Variants in ESD observed in about 807,000 individuals in gnomAD.
ESD encodes the protein esterase D.
In ESD, 34 loss-of-function variants were observed where a neutral mutation model predicts 38.1. The ratio of observed to expected loss-of-function variants is 0.89; its 90% CI spans 0.68 to 1.19. ESD has a LOEUF of 1.19. Among genes scored for constraint, ESD ranks in the 50% most tolerant of loss-of-function variants. The pLI, the probability that ESD is intolerant of heterozygous loss-of-function variation, is 0.00. For missense variants in ESD, 334 were observed against 327.2 expected, an observed-to-expected ratio of 1.02 and a Z score of -0.16; for synonymous variants, 97 against 107.0, an observed-to-expected ratio of 0.91 and a Z score of 0.58.
rs530226574 is a variant in ESD, at chr13:46,781,935, A to G, written c.382-320T>C. Reference sequence around the variant, plus strand: ...ATTCTAAGGAAAAGTCCTTAGGGAGAAAACATTATGCACAAATATAATCAA... The same window carrying G: ...ATTCTAAGGAAAAGTCCTTAGGGAGGAAACATTATGCACAAATATAATCAA... On this transcript the variant is annotated intron_variant, in intron 6 of 9. Coordinates refer to ENST00000378720, the MANE Select transcript of ESD (RefSeq NM_001984.2). Among the ~76,000 whole-genome samples, 43 of 151,934 alleles carry G rather than the reference A, an allele frequency of 2.8e-4. No individual in the cohort carries two copies. In the South Asian group the frequency reaches 8.9e-3, roughly 31 times the overall value.
chr13:46,782,175 A>G (rs1875026429), intron 6 of ESD, among the ~76,000 whole-genome samples: 2 of 151,830 alleles, frequency 1.3e-5, no homozygotes, highest in African/African-American at 4.8e-5. Flanking sequence ...GAACATACCA[A>G]AACATAAGTG....
intron 5 of ESD, among the ~76,000 whole-genome samples, chr13:46,783,618 G>T (rs778045338): frequency 6.6e-5 from 10 of 151,624 alleles, no homozygotes; most frequent in Non-Finnish European, 1.0e-4. Context: ...TTTCTAACCA[G>T]ATATGCATTG....
intron 6 of ESD, among the ~76,000 whole-genome samples, chr13:46,782,077 C>A (rs1875022006): frequency 6.6e-6 from 1 of 151,392 alleles, no homozygotes; most frequent in Non-Finnish European, 1.5e-5. Flanking sequence ...CAGAATAACA[C>A]TAGAAAATAT....
chr13:46,785,318 G>A (rs1875154435), intron 4 of ESD, among the ~76,000 whole-genome samples: 1 of 151,894 alleles, frequency 6.6e-6, no homozygotes, highest in Admixed American at 6.6e-5. Flanking sequence ...GAGAGATTTG[G>A]TTTGTTTATA....
chr13:46,792,031 G>A (rs1461157079), intron 2 of ESD, among the ~76,000 whole-genome samples: 1 of 151,892 alleles, frequency 6.6e-6, no homozygotes, highest in Non-Finnish European at 1.5e-5. Flanking sequence ...AGTAAAACAA[G>A]CCTGTTAACT....
chr13:46,776,366 C>T (rs1330066560), intron 9 of ESD: 3 of 152,122 alleles, frequency 2.0e-5, no homozygotes, highest in Non-Finnish European at 4.4e-5. Flanking sequence ...AAGCTATGCA[C>T]AATTTCTCCT....
chr13:46,790,197 T>C (rs1875346874), intron 3 of ESD, among the ~76,000 whole-genome samples: 1 of 152,036 alleles, frequency 6.6e-6, no homozygotes. Flanking sequence ...CAATATCTTT[T>C]ATACTTTGAT....
intron 4 of ESD, 48 bp from the exon 5 acceptor site, chr13:46,784,398 T>C: frequency 7.5e-7 from 1 of 1,339,280 alleles, no homozygotes; most frequent in Non-Finnish European, 1.1e-6. Flanking sequence ...CATGAAGATG[T>C]GCACCATTAA....
chr13:46,794,458 T>C, intron 1 of ESD, among the ~76,000 whole-genome samples: 1 of 152,156 alleles, frequency 6.6e-6, no homozygotes, highest in East Asian at 1.9e-4. Flanking sequence ...CTCAGCCTCC[T>C]GAGCAGCTAG....
In ESD at chr13:46,794,645, A is replaced by C. The variant is rs9534485; in HGVS notation, c.-55-1201T>G. Among the ~76,000 whole-genome samples, 960 of 151,904 alleles carry C rather than the reference A, an allele frequency of 6.3e-3. 8 individuals are homozygous for C. The highest frequency in any genetic ancestry group is 0.052 in the South Asian group (248 of 4,812). ...TCTCTACATGTGTTTTTTTGTTCCC[A>C]TTCTCTCAGATTCCTTGGATTTTGA... is the stretch of plus-strand genomic sequence containing the variant. On this transcript the variant is annotated intron_variant, in intron 1 of 9. Coordinates refer to ENST00000378720, the MANE Select transcript of ESD (RefSeq NM_001984.2).
chr13:46,773,193 A>G (rs773670697), intron 9 of ESD, among the ~76,000 whole-genome samples: 1 of 152,168 alleles, frequency 6.6e-6, no homozygotes, highest in Non-Finnish European at 1.5e-5. Context: ...ATTGAATAGT[A>G]CTGTAGTGAA....
At chr13:46,784,499 T>C (rs1178472655) in intron 4 of ESD, 149 bp from the exon 5 acceptor site, 2 of 578,730 alleles carry the variant, frequency 3.5e-6, no homozygotes, top group African/African-American at 3.8e-5. Flanking sequence ...CGGGTGATGG[T>C]ATCTTTCATA....
intron 7 of ESD, among the ~76,000 whole-genome samples, chr13:46,780,345 A>C (rs1001638335): frequency 2.6e-5 from 4 of 151,918 alleles, no homozygotes; most frequent in Middle Eastern, 3.4e-3. Context: ...CTTTTTTAGC[A>C]CTGAAAATTA....
At chr13:46,789,038 G>T (rs1263697223) in intron 3 of ESD, among the ~76,000 whole-genome samples, 1 of 152,134 alleles carries the variant, frequency 6.6e-6, no homozygotes, top group South Asian at 2.1e-4. Context: ...TGTGGCTAGT[G>T]GGACTGAAGT....
intron 9 of ESD, among the ~76,000 whole-genome samples, chr13:46,774,019 T>G (rs1378280397): frequency 2.6e-5 from 4 of 152,158 alleles, no homozygotes; most frequent in African/African-American, 9.7e-5. Flanking sequence ...ATGGATCTGA[T>G]AGAAAATGGG....
Position 46,781,543 on chromosome 13 carries a change from C to T in ESD, c.454G>A (p.Gly152Ser). Reference sequence around the variant, plus strand: ...AAAGCACAGATCAGAGCTCCATGACCTCCCATGGAGTGGCCAAAAATAGAC... The same window carrying T: ...AAAGCACAGATCAGAGCTCCATGACTTCCCATGGAGTGGCCAAAAATAGAC... ...RMSIFGHSMG[G>S]HGALICALKN... The change falls in exon 7 of 10, where the codon GGT becomes AGT. Residue 152 changes from glycine (G) to serine (S), a missense_variant. Gly to Ser is a moderately conservative substitution (Grantham distance 56). Coordinates refer to ENST00000378720, the MANE Select transcript of ESD (RefSeq NM_001984.2). 3 of 1,607,022 alleles carry T rather than the reference C, an allele frequency of 1.9e-6. No homozygotes were observed. Among genetic ancestry groups the T allele is most frequent in the South Asian group, 1.1e-5 (1 of 90,662 alleles).
At chr13:46,781,792 T>C (rs1875012083) in intron 6 of ESD, among the ~76,000 whole-genome samples, 177 bp from the exon 7 acceptor site, 1 of 151,898 alleles carries the variant, frequency 6.6e-6, no homozygotes, top group Admixed American at 6.6e-5. Context: ...TGATTATTAA[T>C]ATATCCCTGG....
At chr13:46,777,363 T>G in intron 9 of ESD, 93 bp downstream of exon 9, 1 of 1,036,462 alleles carries the variant, frequency 9.6e-7, no homozygotes, top group Non-Finnish European at 1.3e-6. Context: ...AAGTAGCATT[T>G]TATATTCTAA....
At chr13:46,791,441 C>G (rs372986041) in intron 2 of ESD, 21 bp from the exon 3 acceptor site, 87 of 1,563,706 alleles carry the variant, frequency 5.6e-5, no homozygotes, top group Non-Finnish European at 7.6e-5. Context: ...AGAGTAATCT[C>G]ATTAATTTCC....
Sources: gnomAD v4.1 joint callset for allele counts (sites outside exome capture counted in the v4.1 genomes callset) on GRCh38, gnomAD v4.1.1 for gene constraint, MANE v1.5 for transcripts, NCBI Gene and HGNC (gene_info 2026-07-23, HGNC 2026-07-21) for gene names.